Variants in PCBP3 observed in about 807,000 individuals in gnomAD.
The protein encoded by PCBP3 is poly(rC) binding protein 3.
A neutral mutation model predicts 52.7 loss-of-function variants in PCBP3; 25 were observed. The ratio of observed to expected loss-of-function variants is 0.47; its 90% CI spans 0.35 to 0.66. PCBP3 has a LOEUF of 0.66. Among genes scored for constraint, PCBP3 ranks in the 30% least tolerant of loss-of-function variants. The pLI is 0.01. For synonymous variants in PCBP3, 162 were observed against 183.0 expected (o/e 0.89, Z 0.93); for missense variants, 391 against 490.3 (o/e 0.80, Z 1.91).
At chr21:45,798,822 A>G (rs2092150882) in intron 4 of PCBP3, among the ~76,000 whole-genome samples, 1 of 151,590 alleles carries the variant, frequency 6.6e-6, no homozygotes, top group South Asian at 2.1e-4. Flanking sequence ...GGATGAATAC[A>G]TGGATCCGTA....
chr21:45,691,757 TG>T (rs1386948622), intron 2 of PCBP3, among the ~76,000 whole-genome samples: 3 of 152,046 alleles, frequency 2.0e-5, no homozygotes, highest in African/African-American at 7.2e-5. Flanking sequence ...GAATCACATG[TG>T]GTTGAAGCTG....
At chr21:45,841,410 G>GAAAA (rs11373212) in intron 4 of PCBP3, among the ~76,000 whole-genome samples, 1 of 150,216 alleles carries the variant, frequency 6.7e-6, no homozygotes. Context: ...TTTCATTTCT[G>GAAAA]AAAAAAAAAA....
At chr21:45,811,303 T>A (rs1255380495) in intron 4 of PCBP3, among the ~76,000 whole-genome samples, 1 of 152,232 alleles carries the variant, frequency 6.6e-6, no homozygotes, top group Non-Finnish European at 1.5e-5. Context: ...CAGTGCTGCA[T>A]CCCTTCTGGA....
intron 2 of PCBP3, among the ~76,000 whole-genome samples, chr21:45,701,956 G>A (rs375360745): frequency 1.8e-4 from 28 of 152,188 alleles, no homozygotes; most frequent in African/African-American, 5.8e-4. Context: ...GAATTACTAT[G>A]ACAGCTTGAT....
At chr21:45,916,521 A>G (rs1184738444) in intron 12 of PCBP3, 1 of 152,208 alleles carries the variant, frequency 6.6e-6, no homozygotes, top group Non-Finnish European at 1.5e-5. Flanking sequence ...GTTGTTTATG[A>G]TGAAAACTCT....
At chr21:45,661,616 C>T (rs4578947) in intron 1 of PCBP3, among the ~76,000 whole-genome samples, 133 of 152,216 alleles carry the variant, frequency 8.7e-4, no homozygotes, top group African/African-American at 3.0e-3. Context: ...TAATAACATA[C>T]GAGTACAAGC....
At chr21:45,872,779 T>C (rs1306093423) in intron 5 of PCBP3, 1 of 152,152 alleles carries the variant, frequency 6.6e-6, no homozygotes, top group Non-Finnish European at 1.5e-5. Flanking sequence ...CAGTGTGTTG[T>C]TTATTATTAT....
At chr21:45,913,710 A>C (rs1429598776) in intron 11 of PCBP3, among the ~76,000 whole-genome samples, 1 of 152,208 alleles carries the variant, frequency 6.6e-6, no homozygotes. Flanking sequence ...GGCAAACTGC[A>C]GCCCAGGGCT....
rs371636943 is a variant in PCBP3, at chr21:45,729,971, C to T, written c.-199-5421C>T. On this transcript the variant is annotated intron_variant, in intron 2 of 17. Coordinates refer to ENST00000681687, the MANE Select transcript of PCBP3 (RefSeq NM_001384156.1). The stretch of plus-strand genomic sequence containing the variant: ...TAGAGAGTAGGTCTTGCTATGTTGC[C>T]CAGGCTGGTCTCAAACTCCTGGCTT... 3.3e-5 allele frequency among the ~76,000 whole-genome samples: 5 copies of T among 151,968 alleles called. No individual in the cohort carries two copies. The South Asian group carries it at 6.2e-4, about 19-fold the overall frequency.
At chr21:45,778,732 G>T (rs562093797) in intron 4 of PCBP3, among the ~76,000 whole-genome samples, 2 of 152,294 alleles carry the variant, frequency 1.3e-5, no homozygotes, top group South Asian at 4.1e-4. Flanking sequence ...TACATGCTCT[G>T]TCTTGGAATA....
At chr21:45,885,218 C>T (rs1031680147) in intron 5 of PCBP3, among the ~76,000 whole-genome samples, 2 of 152,158 alleles carry the variant, frequency 1.3e-5, no homozygotes, top group South Asian at 2.1e-4. Flanking sequence ...TTCGGGGCCA[C>T]GTCCTCCTGG....
chr21:45,826,679 C>T (rs542443620), intron 4 of PCBP3, among the ~76,000 whole-genome samples: 1 of 152,260 alleles, frequency 6.6e-6, no homozygotes, highest in Admixed American at 6.5e-5. Flanking sequence ...ACCCATGGGA[C>T]GACATGGTGG....
At chr21:45,933,988 A>G (rs561073072) in intron 15 of PCBP3, among the ~76,000 whole-genome samples, 2 of 152,238 alleles carry the variant, frequency 1.3e-5, no homozygotes, top group African/African-American at 4.8e-5. Flanking sequence ...GCCGTGAGGA[A>G]GTAGGAGCTC....
chr21:45,722,158 GA>G (rs1156758425), intron 2 of PCBP3, among the ~76,000 whole-genome samples: 1 of 152,176 alleles, frequency 6.6e-6, no homozygotes, highest in East Asian at 1.9e-4. Context: ...ACAACACAAT[GA>G]GATATTAGAA....
At chr21:45,914,832 G>A (rs1278359844) in intron 12 of PCBP3, 1 of 152,310 alleles carries the variant, frequency 6.6e-6, no homozygotes, top group Non-Finnish European at 1.5e-5. Flanking sequence ...GTGTGTCTTT[G>A]TTCAAGGGAG....
chr21:45,803,564 G>A (rs1344455088), intron 4 of PCBP3, among the ~76,000 whole-genome samples: 1 of 152,142 alleles, frequency 6.6e-6, no homozygotes, highest in Non-Finnish European at 1.5e-5. Flanking sequence ...GTTTTATACT[G>A]CCAGTGCCGG....
chr21:45,705,907 A>C (rs77333905), intron 2 of PCBP3, among the ~76,000 whole-genome samples: 1,773 of 152,290 alleles, frequency 0.012, 51 homozygotes, highest in African/African-American at 0.04. Flanking sequence ...CATAGAGGTG[A>C]AGGAGGCACA....
intron 3 of PCBP3, among the ~76,000 whole-genome samples, chr21:45,745,099 G>A (rs1603369488): frequency 6.6e-6 from 1 of 152,274 alleles, no homozygotes; most frequent in East Asian, 1.9e-4. Flanking sequence ...GACCCCATGG[G>A]GTTGTATGCT....
intron 4 of PCBP3, among the ~76,000 whole-genome samples, chr21:45,815,809 GGTGA>G (rs1301532135): frequency 2.6e-5 from 3 of 115,932 alleles, no homozygotes; most frequent in Non-Finnish European, 5.4e-5. Context: ...ATGAGTGAGT[GGTGA>G]GTGAGTGGTG....
Sources: allele counts gnomAD v4.1 joint callset (sites outside exome capture counted in the v4.1 genomes callset), GRCh38; gene constraint gnomAD v4.1.1; transcripts MANE v1.5; gene names NCBI Gene and HGNC (gene_info 2026-07-23, HGNC 2026-07-21).